Variants in NFILZ observed in about 807,000 individuals in gnomAD.
NFILZ encodes the protein NFIL3 like protein.
chr19:8,657,984 G>A (rs2043012592), intron 3 of NFILZ, among the ~76,000 whole-genome samples: 1 of 152,158 alleles, frequency 6.6e-6, no homozygotes, highest in Admixed American at 6.5e-5. Flanking sequence ...TTGGGTGGGT[G>A]CAGGGACTCT....
intron 3 of NFILZ, among the ~76,000 whole-genome samples, chr19:8,652,084 T>A (rs1397421432): frequency 6.6e-6 from 1 of 151,986 alleles, no homozygotes; most frequent in Non-Finnish European, 1.5e-5. Context: ...ATTCTGTACT[T>A]TGCTGTGACC....
intron 3 of NFILZ, among the ~76,000 whole-genome samples, chr19:8,665,585 C>T (rs1442832002): frequency 6.6e-6 from 1 of 152,170 alleles, no homozygotes; most frequent in Non-Finnish European, 1.5e-5. Flanking sequence ...AAGTGATCCT[C>T]TCACCTCAGC....
Position 8,677,199 on chromosome 19 carries a change from TG to T in NFILZ, c.436del (p.Asp146MetfsTer59). On this transcript the variant is annotated frameshift_variant, in exon 6 of 6. Transcript: ENST00000691075. LOFTEE classifies it low-confidence loss of function (END_TRUNC). ...SHSCLLRPRS[L>X]DAGIPGCRGC... is the part of the protein sequence containing the mutation. ...AGCTGCCTCTTAAGGCCACGTTCCC[TG>T]GATGCTGGGATTCCAGGATGTCGGG... is the stretch of plus-strand genomic sequence containing the variant. 6.5e-6 allele frequency: 1 copy of T among 152,994 alleles called. No individual in the cohort carries two copies. Among genetic ancestry groups the T allele is most frequent in the Non-Finnish European group, 1.5e-5 (1 of 68,532 alleles). 9.5% of individuals were successfully genotyped at this position (152,994 alleles called of 1,614,324 possible).
At chr19:8,640,764 G>A (rs1248139570) in intron 3 of NFILZ, among the ~76,000 whole-genome samples, 1 of 152,188 alleles carries the variant, frequency 6.6e-6, no homozygotes, top group East Asian at 1.9e-4. Flanking sequence ...TTCTCAGGGT[G>A]TGGATATTCA....
chr19:8,667,186 G>A (rs1555749911), intron 3 of NFILZ, among the ~76,000 whole-genome samples: 1 of 152,206 alleles, frequency 6.6e-6, no homozygotes. Context: ...AAACAGGAAA[G>A]AGGGAGGGGA....
intron 3 of NFILZ, among the ~76,000 whole-genome samples, chr19:8,653,033 T>TCCC (rs1555747916): frequency 5.5e-5 from 4 of 72,918 alleles, no homozygotes; most frequent in Non-Finnish European, 8.3e-5. Flanking sequence ...TCTTTCTTTC[T>TCCC]TTCTTTCTCT....
chr19:8,674,954 TGG>T (rs1358273404), intron 4 of NFILZ, among the ~76,000 whole-genome samples: 1 of 152,182 alleles, frequency 6.6e-6, no homozygotes, highest in Non-Finnish European at 1.5e-5. Context: ...CAGAAAAATG[TGG>T]TGTCTTTCAT....
chr19:8,639,505 C>T (rs1042445082), intron 3 of NFILZ, among the ~76,000 whole-genome samples: 44 of 151,922 alleles, frequency 2.9e-4, no homozygotes, highest in African/African-American at 7.7e-4. Context: ...GCAGGAAGAT[C>T]GCTTGAGCCC....
At chr19:8,650,364 A>G (rs1360354167) in intron 3 of NFILZ, among the ~76,000 whole-genome samples, 1 of 151,898 alleles carries the variant, frequency 6.6e-6, no homozygotes, top group Non-Finnish European at 1.5e-5. Context: ...GTATAAAGAA[A>G]TTAATAGAGG....
At chr19:8,633,114 G>A (rs2042878082) in intron 2 of NFILZ, among the ~76,000 whole-genome samples, 1 of 143,546 alleles carries the variant, frequency 7.0e-6, no homozygotes, top group South Asian at 2.3e-4. Flanking sequence ...TCTGCCTCCT[G>A]GGTTCAAGGG....
rs2043126050 is a variant in NFILZ at position 8,678,157 on chromosome 19, CCATCCATCCATCCATCCATCCATCCAT to C, written c.*524_*550del. Among the ~76,000 whole-genome samples, 4 of 14,944 alleles carry C rather than the reference CCATCCATCCATCCATCCATCCATCCAT, an allele frequency of 2.7e-4. No homozygotes were observed. Among genetic ancestry groups the C allele is most frequent in the Non-Finnish European group, 4.5e-4 (3 of 6,626 alleles). 9.8% of individuals were successfully genotyped at this position (14,944 alleles called of 152,430 possible). ...TCCATTCATCCACTTGTCCGTCCAT[CCATCCATCCATCCATCCATCCATCCAT>C]CCATCCGTCCATCTATCCATCCATC... On this transcript the variant is annotated 3_prime_UTR_variant, in exon 6 of 6. Transcript: ENST00000691075.
intron 5 of NFILZ, among the ~76,000 whole-genome samples, 95 bp downstream of exon 5, chr19:8,676,551 C>T (rs2043110873): frequency 2.0e-5 from 3 of 152,130 alleles, no homozygotes; most frequent in Non-Finnish European, 4.4e-5. Context: ...TTAAGCCTTT[C>T]TAGCAGTTTC....
At chr19:8,673,964 C>T (rs1262953269) in intron 3 of NFILZ, among the ~76,000 whole-genome samples, 1 of 152,312 alleles carries the variant, frequency 6.6e-6, no homozygotes, top group East Asian at 1.9e-4. Context: ...TCTCAGCCTC[C>T]TGAATAGCTG....
At chr19:8,672,888 A>G (rs2043094912) in intron 3 of NFILZ, among the ~76,000 whole-genome samples, 1 of 152,208 alleles carries the variant, frequency 6.6e-6, no homozygotes, top group Non-Finnish European at 1.5e-5. Context: ...TTTCATAAGC[A>G]CACCCCAGAG....
rs1555751144 is a variant in NFILZ, at chr19:8,679,001, C to A, written c.*1366C>A. ...GTCTGAATCCCCCTTCTTGGTGTCC[C>A]CTGGGGGGCTTGCTTACCACCCAGT... On this transcript the variant is annotated 3_prime_UTR_variant, in exon 6 of 6. Transcript: ENST00000691075. 6.6e-6 allele frequency among the ~76,000 whole-genome samples: 1 copy of A among 152,014 alleles called. No homozygotes were observed. The highest frequency in any genetic ancestry group is 1.5e-5 in the Non-Finnish European group (1 of 67,998).
intron 3 of NFILZ, among the ~76,000 whole-genome samples, chr19:8,653,038 T>TCTCCCTCTCTCTC (rs2042975227): frequency 1.1e-5 from 1 of 90,590 alleles, no homozygotes; most frequent in Admixed American, 1.3e-4. Flanking sequence ...CTTTCTTTCT[T>TCTCCCTCTCTCTC]TCTCTCTCTC....
intron 3 of NFILZ, among the ~76,000 whole-genome samples, chr19:8,644,276 C>T (rs10409281): frequency 0.37 from 56,283 of 151,548 alleles, 10,892 homozygotes; most frequent in East Asian, 0.51. Flanking sequence ...AATTTTTGTA[C>T]TTTTAGTAGA....
intron 2 of NFILZ, among the ~76,000 whole-genome samples, chr19:8,634,805 G>A (rs566556042): frequency 5.9e-5 from 9 of 151,988 alleles, no homozygotes; most frequent in Non-Finnish European, 1.2e-4. Flanking sequence ...ACTTGAATCC[G>A]GGAAGTCGAG....
Position 8,674,661 on chromosome 19 carries a change from C to T in NFILZ, c.-114+61C>T, listed in dbSNP as rs534580335. ...TTCTGAGGGCGCGTCATCTTTGGCA[C>T]TGGGGTTCCTAGGAACATACTTTGG... On this transcript the variant is annotated intron_variant, in intron 4 of 5. Transcript: ENST00000691075. Among the ~76,000 whole-genome samples, 33 of 152,002 alleles carry T rather than the reference C, an allele frequency of 2.2e-4. 1 individual carries two copies. In the South Asian group the frequency reaches 6.6e-3, roughly 31 times the overall value.
Sources: allele counts gnomAD v4.1 joint callset (sites outside exome capture counted in the v4.1 genomes callset), GRCh38; gene constraint gnomAD v4.1.1; transcripts MANE v1.5; gene names NCBI Gene and HGNC (gene_info 2026-07-23, HGNC 2026-07-21).